TRIM47: variants seen among roughly 807,000 people sequenced by gnomAD.
TRIM47 encodes E3 ubiquitin-protein ligase TRIM47.
A neutral mutation model predicts 54.4 loss-of-function variants in TRIM47; 46 were observed. That is an observed-to-expected ratio of 0.84 (90% CI 0.67 to 1.08). TRIM47 has a LOEUF of 1.08. TRIM47 is among the 50% of genes least tolerant of loss of function. TRIM47 has a pLI of 0.00. For missense variants in TRIM47, 825 were observed against 910.1 expected (o/e 0.91, Z 1.20); for synonymous variants, 392 against 410.2 (o/e 0.96, Z 0.54).
intron 1 of TRIM47, 112 bp from the exon 2 acceptor site, chr17:75,876,925 G>T: frequency 9.8e-7 from 1 of 1,023,062 alleles, no homozygotes; most frequent in Non-Finnish European, 1.4e-6. Context: ...TGGTATCTGT[G>T]CATCAGGTGG....
Position 75,874,777 on chromosome 17 carries a change from G to C in TRIM47, c.1623C>G (p.Pro541=), listed in dbSNP as rs1567834224. The C allele has an allele frequency of 1.2e-6, 2 of 1,613,906 alleles. No homozygotes were observed. The highest frequency in any genetic ancestry group is 2.7e-5 in the African/African-American group (2 of 74,946). The part of the protein sequence containing the change: ...VWFHGLEAPL[P]HPFSPTVGVC... ...CCCCAACCGTGGGCGAGAAGGGGTG[G>C]GGCAGGGGAGCCTCCAGCCCATGAA... Residue 541 remains proline (P), a synonymous_variant, in exon 6 of 6, where the codon CCC becomes CCG. Transcript: ENST00000254816. This position sits in a 1 kb window ranked among gnomAD's most constrained non-coding sequence, Gnocchi z 6.2.
chr17:75,874,373 G>A lies in TRIM47; in HGVS notation c.*110C>T, dbSNP rs779171170. 18 of 1,053,960 alleles carry A rather than the reference G, an allele frequency of 1.7e-5. No homozygotes were observed. Among genetic ancestry groups the A allele is most frequent in the Non-Finnish European group, 2.4e-5 (18 of 758,294 alleles). 65.3% of individuals were successfully genotyped at this position (1,053,960 alleles called of 1,614,324 possible). Reference sequence around the variant, plus strand: ...AAAAGGTGGAAGCCTCTAGAAATGAGAAGGCTGGGTGTGTGGGACTCATGC... The same window carrying A: ...AAAAGGTGGAAGCCTCTAGAAATGAAAAGGCTGGGTGTGTGGGACTCATGC... On this transcript the variant is annotated 3_prime_UTR_variant, in exon 6 of 6. Transcript: ENST00000254816. The surrounding 1 kb of genome is among the most constrained non-coding windows in gnomAD (Gnocchi z 6.2).
At position 75,874,748 on chromosome 17, in the gene TRIM47, C is replaced by A; in HGVS notation, c.1652G>T (p.Cys551Phe). 1 of 1,614,068 alleles carries A rather than the reference C, an allele frequency of 6.2e-7. No homozygotes were observed. The highest frequency in any genetic ancestry group is 8.5e-7 in the Non-Finnish European group (1 of 1,180,022). The change falls in exon 6 of 6, where the codon TGC becomes TTC. Residue 551 changes from cysteine to phenylalanine, a missense_variant. Transcript: ENST00000254816. The surrounding 1 kb of genome is among the most constrained non-coding windows in gnomAD (Gnocchi z 6.2). ...CAAGGCACGGTCAGCGTATTCCAGG[C>A]AGACCCCAACCGTGGGCGAGAAGGG... ...PHPFSPTVGV[C>F]LEYADRALAF...
intron 1 of TRIM47, 160 bp downstream of exon 1, chr17:75,877,714 A>T (rs2143978246): frequency 8.1e-7 from 1 of 1,236,732 alleles, no homozygotes; most frequent in African/African-American, 1.6e-5. Context: ...CACCGCCAGC[A>T]GATGACCTTG....
chr17:75,877,766 G>C, intron 1 of TRIM47, 108 bp downstream of exon 1: 2 of 1,254,344 alleles, frequency 1.6e-6, no homozygotes, highest in Non-Finnish European at 1.0e-6. Context: ...GGTTAGAGGA[G>C]GAGATTAAGA....
rs371422020 is a variant in TRIM47, at chr17:75,874,456, C to T, written c.*27G>A. ...AGGAGGCAGCTTCCTGGAGCAGAGACGGCAGCAGGAGCGCCCGTGCCCGGC... is the reference window on the plus strand; with the variant it reads ...AGGAGGCAGCTTCCTGGAGCAGAGATGGCAGCAGGAGCGCCCGTGCCCGGC... On this transcript the variant is annotated 3_prime_UTR_variant, in exon 6 of 6. Transcript: ENST00000254816. The surrounding 1 kb of genome is among the most constrained non-coding windows in gnomAD (Gnocchi z 6.2). The T allele has an allele frequency of 1.8e-5, 27 of 1,485,838 alleles. No homozygotes were observed. In the African/African-American group the frequency reaches 2.0e-4, roughly 11 times the overall value. The allele number at this position is 1,485,838 out of a possible 1,614,324, so 92.0% of individuals were successfully genotyped here. A position where few individuals can be genotyped will look rare whatever the true frequency, so the allele number is the denominator to read the frequency against.
At position 75,876,025 on chromosome 17, in the gene TRIM47, G is replaced by A. The variant is rs376107899; in HGVS notation, c.1077C>T (p.Phe359=). ...CACGGACAGCTTGGGATGATTTGGT[G>A]AAGCTGAGCTCCCTCGGGGGTCCAG... ...PGPGPPRELS[F]TKSSQAVRAV... The change falls in exon 4 of 6, where the codon TTC becomes TTT. Residue 359 remains phenylalanine (F), a synonymous_variant. Transcript: ENST00000254816. 10 of 1,604,138 alleles carry A rather than the reference G, an allele frequency of 6.2e-6. No individual in the cohort carries two copies. In the African/African-American group the frequency reaches 1.3e-4, roughly 21 times the overall value.
chr17:75,875,734 T>C lies in TRIM47; in HGVS notation c.1201+167A>G. The C allele has an allele frequency of 1.2e-6, 1 of 836,592 alleles. No homozygotes were observed. Among genetic ancestry groups the C allele is most frequent in the South Asian group, 1.7e-5 (1 of 58,298 alleles). 51.8% of individuals were successfully genotyped at this position (836,592 alleles called of 1,614,324 possible). On this transcript the variant is annotated intron_variant, in intron 4 of 5. Coordinates refer to ENST00000254816, the MANE Select transcript of TRIM47 (RefSeq NM_033452.3). This position sits in a 1 kb window ranked among gnomAD's most constrained non-coding sequence, Gnocchi z 6.1. ...CCCCTCTACCCCAGGTCCAAGGGGC[T>C]GATTGATCCCCACAGGGTGGCAGCT...
At position 75,875,862 on chromosome 17, in the gene TRIM47, A is replaced by G. The variant is rs2065129749; in HGVS notation, c.1201+39T>C. The stretch of plus-strand genomic sequence containing the variant: ...CTGGGGGCCTGTGCGAGAGGCTGGC[A>G]GAGGGTGAGTCATCGGGGGGGCGTG... On this transcript the variant is annotated intron_variant, in intron 4 of 5. Transcript: ENST00000254816. This position sits in a 1 kb window ranked among gnomAD's most constrained non-coding sequence, Gnocchi z 6.1. The G allele has an allele frequency of 6.3e-7, 1 of 1,596,100 alleles. No individual in the cohort carries two copies.
rs1209325505 is a variant in TRIM47 at position 75,878,003 on chromosome 17, G to C, written c.546C>G (p.Cys182Trp). The C allele has an allele frequency of 6.8e-7, 1 of 1,465,292 alleles. No individual in the cohort carries two copies. Among genetic ancestry groups the C allele is most frequent in the Non-Finnish European group, 9.0e-7 (1 of 1,112,750 alleles). The allele number at this position is 1,465,292 out of a possible 1,614,324, so 90.8% of individuals were successfully genotyped here. ...GCTCGAGCGGCCGTAGGTGGCGCGG[G>C]CACAGGCTCTCCTCTAGCCGGCGCA... is the stretch of plus-strand genomic sequence containing the variant. ...PPLRRLEESL[C>W]PRHLRPLERY... The change falls in exon 1 of 6, where the codon TGC (cysteine) becomes TGG (tryptophan). Residue 182 changes from cysteine to tryptophan, a missense_variant. By Grantham distance (215) the Cys-to-Trp change is radical. Coordinates refer to ENST00000254816, the MANE Select transcript of TRIM47 (RefSeq NM_033452.3).
At position 75,877,916 on chromosome 17, in the gene TRIM47, G is replaced by A. The variant is rs747890223; in HGVS notation, c.633C>T (p.Gly211=). 1 of 1,427,572 alleles carries A rather than the reference G, an allele frequency of 7.0e-7. No individual in the cohort carries two copies. Among genetic ancestry groups the A allele is most frequent in the Non-Finnish European group, 9.1e-7 (1 of 1,093,596 alleles). 88.4% of individuals were successfully genotyped at this position (1,427,572 alleles called of 1,614,324 possible). A position where few individuals can be genotyped will look rare whatever the true frequency, so the allele number is the denominator to read the frequency against. Residue 211 remains glycine (G), a synonymous_variant, in exon 1 of 6, where the codon GGC becomes GGT. Coordinates refer to ENST00000254816, the MANE Select transcript of TRIM47 (RefSeq NM_033452.3). ...CEACAAQEHR[G]HELVPLEQER... ...CCTGCTCCAGCGGCACCAGCTCGTG[G>A]CCGCGGTGCTCCTGTGCGGCGCAGG... is the stretch of plus-strand genomic sequence containing the variant.
At chr17:75,876,660 G>A (rs1396412969) in intron 2 of TRIM47, 58 bp downstream of exon 2, 2 of 1,594,512 alleles carry the variant, frequency 1.3e-6, no homozygotes, top group Non-Finnish European at 1.7e-6. Context: ...GTGCTCAGTA[G>A]GTATGGGCAT....
Position 75,877,979 on chromosome 17 carries a change from C to A in TRIM47, c.570G>T (p.Glu190Asp). ...SLCPRHLRPLERYCRAERVCL... is the reference protein window; with the variant it reads ...SLCPRHLRPLDRYCRAERVCL... ...ACACGCGCTCCGCGCGGCAGTAGCGCTCGAGCGGCCGTAGGTGGCGCGGGC... is the reference window on the plus strand; with the variant it reads ...ACACGCGCTCCGCGCGGCAGTAGCGATCGAGCGGCCGTAGGTGGCGCGGGC... Residue 190 changes from glutamate to aspartate, a missense_variant, in exon 1 of 6, where the codon GAG (glutamate) becomes GAT (aspartate). Transcript: ENST00000254816. 6.8e-7 allele frequency: 1 copy of A among 1,464,404 alleles called. No individual in the cohort carries two copies. Among genetic ancestry groups the A allele is most frequent in the Non-Finnish European group, 9.0e-7 (1 of 1,112,372 alleles). The allele number at this position is 1,464,404 out of a possible 1,614,324, so 90.7% of individuals were successfully genotyped here. A position where few individuals can be genotyped will look rare whatever the true frequency, so the allele number is the denominator to read the frequency against.
Position 75,874,952 on chromosome 17 carries a change from T to G in TRIM47, c.1448A>C (p.Tyr483Ser). Residue 483 changes from tyrosine to serine, a missense_variant, in exon 6 of 6, where the codon TAC (tyrosine) becomes TCC (serine). Transcript: ENST00000254816. The surrounding 1 kb of genome is among the most constrained non-coding windows in gnomAD (Gnocchi z 6.2). Reference sequence around the variant, plus strand: ...GCCCTCGATAATCTCCACCTCCCAGTAGTAGGTGCCTCGGTCCAGGGCACC... The same window carrying G: ...GCCCTCGATAATCTCCACCTCCCAGGAGTAGGTGCCTCGGTCCAGGGCACC... ...GEGALDRGTY[Y>S]WEVEIIEGWV... 6.2e-7 allele frequency: 1 copy of G among 1,613,976 alleles called. No homozygotes were observed. The highest frequency in any genetic ancestry group is 8.5e-7 in the Non-Finnish European group (1 of 1,179,964).
chr17:75,875,167 C>A lies in TRIM47; in HGVS notation c.1277-44G>T. On this transcript the variant is annotated intron_variant, in intron 5 of 5. Transcript: ENST00000254816. This position sits in a 1 kb window ranked among gnomAD's most constrained non-coding sequence, Gnocchi z 6.1. ...GAGAGAGGCAGGGCTCAGGGCCAGG[C>A]TCAGAGGGCACGGCCCCTCCCCAAG... The A allele has an allele frequency of 6.5e-7, 1 of 1,549,242 alleles. No homozygotes were observed. The highest frequency in any genetic ancestry group is 1.9e-5 in the Admixed American group (1 of 53,586).
chr17:75,876,585 C>T (rs1162932596), intron 2 of TRIM47, 93 bp from the exon 3 acceptor site: 1 of 1,508,472 alleles, frequency 6.6e-7, no homozygotes, highest in Non-Finnish European at 8.9e-7. Flanking sequence ...CCCACCGGCC[C>T]TCTTGAGGGG....
rs755956021 is a variant in TRIM47 at position 75,878,513 on chromosome 17, G to A, written c.36C>T (p.Cys12=). 145 of 1,333,196 alleles carry A rather than the reference G, an allele frequency of 1.1e-4. No homozygotes were observed. The highest frequency in any genetic ancestry group is 2.7e-4 in the Middle Eastern group (1 of 3,692). 82.6% of individuals were successfully genotyped at this position (1,333,196 alleles called of 1,614,324 possible). Reference sequence around the variant, plus strand: ...TCACCGGCTCCCGGAGTGGCTCTAGGCAGATGGGGCAGCTGAAGGGTCCAC... The same window carrying A: ...TCACCGGCTCCCGGAGTGGCTCTAGACAGATGGGGCAGCTGAAGGGTCCAC... ...DGSGPFSCPI[C]LEPLREPVTL... The change falls in exon 1 of 6, where the codon TGC becomes TGT. Residue 12 remains cysteine, a synonymous_variant. Transcript: ENST00000254816.
chr17:75,878,066 G>A lies in TRIM47; in HGVS notation c.483C>T (p.Arg161=), dbSNP rs1163682545. 2 of 1,365,902 alleles carry A rather than the reference G, an allele frequency of 1.5e-6. No individual in the cohort carries two copies. The highest frequency in any genetic ancestry group is 1.9e-6 in the Non-Finnish European group (2 of 1,064,066). The allele number at this position is 1,365,902 out of a possible 1,614,324, so 84.6% of individuals were successfully genotyped here. A position where few individuals can be genotyped will look rare whatever the true frequency, so the allele number is the denominator to read the frequency against. ...FCPAHLGPHE[R]SPALRGHRLV... ...GGCGGTGTCCGCGGAGGGCGGGGCT[G>A]CGCTCGTGCGGGCCCAGGTGCGCGG... The change falls in exon 1 of 6, where the codon CGC becomes CGT. Residue 161 remains arginine (R), a synonymous_variant. Coordinates refer to ENST00000254816, the MANE Select transcript of TRIM47 (RefSeq NM_033452.3).
intron 1 of TRIM47, 31 bp downstream of exon 1, chr17:75,877,843 C>CG: frequency 7.7e-7 from 1 of 1,301,424 alleles, no homozygotes. Context: ...TCACCAGCCC[C>CG]GGCTCACCCG....
Sources: allele counts gnomAD v4.1 joint callset, GRCh38; gene constraint gnomAD v4.1.1; non-coding constraint Gnocchi (gnomAD v3.1); transcripts MANE v1.5; gene names NCBI Gene and HGNC (gene_info 2026-07-23, HGNC 2026-07-21).